Variants in HGS observed in about 807,000 individuals in gnomAD.
HGS encodes the protein human growth factor-regulated tyrosine kinase substrate.
Under a neutral mutation model 109.7 loss-of-function variants are expected in HGS, and 63 were observed. The ratio of observed to expected loss-of-function variants is 0.57; its 90% CI spans 0.47 to 0.71. The LOEUF (loss-of-function observed/expected upper bound fraction) is 0.71. Ranked by LOEUF, HGS falls within the 30% of genes least tolerant of loss-of-function variation. The pLI is 0.00. For missense variants in HGS, 995 were observed against 1,068.3 expected (o/e 0.93, Z 0.96); for synonymous variants, 546 against 437.3 (o/e 1.25, Z -3.10).
Position 81,700,516 on chromosome 17 carries a change from G to A in HGS, c.1932G>A (p.Ala644=), listed in dbSNP as rs745772145. Residue 644 remains alanine, a synonymous_variant, in exon 19 of 22, where the codon GCG becomes GCA. Coordinates refer to ENST00000329138, the MANE Select transcript of HGS (RefSeq NM_004712.5). Reference sequence around the variant, plus strand: ...TGTACCCAGCAGGGGCCACTGGGGCGCAGGCGGCCCCCCAGGCCCAGGCCG... The same window carrying A: ...TGTACCCAGCAGGGGCCACTGGGGCACAGGCGGCCCCCCAGGCCCAGGCCG... ...AYMYPAGATG[A]QAAPQAQAGP... is the part of the protein sequence containing the mutation. 16 of 1,607,460 alleles carry A rather than the reference G, an allele frequency of 1.0e-5. No individual in the cohort carries two copies. Among genetic ancestry groups the A allele is most frequent in the East Asian group, 8.9e-5 (4 of 44,834 alleles).
Position 81,691,688 on chromosome 17 carries a change from A to AGC in HGS, c.662+118_662+119dup. The AGC allele has an allele frequency of 1.5e-6, 2 of 1,346,416 alleles. No individual in the cohort carries two copies. Among genetic ancestry groups the AGC allele is most frequent in the Non-Finnish European group, 2.1e-6 (2 of 964,388 alleles). The allele number at this position is 1,346,416 out of a possible 1,614,324, so 83.4% of individuals were successfully genotyped here. ...AGACCCCAGAGGACCCTCACAGCAC[A>AGC]GCAGCTGGAAGGTCAAGGGAAACCC... On this transcript the variant is annotated intron_variant, in intron 8 of 21. Transcript: ENST00000329138. This position sits in a 1 kb window ranked among gnomAD's most constrained non-coding sequence, Gnocchi z 5.3.
rs568520267 is a variant in HGS at position 81,690,560 on chromosome 17, G to A, written c.469-114G>A. On this transcript the variant is annotated intron_variant, in intron 6 of 21. Coordinates refer to ENST00000329138, the MANE Select transcript of HGS (RefSeq NM_004712.5). The stretch of plus-strand genomic sequence containing the variant: ...AAGGGCCGCCCGGGGCATTGCTCTC[G>A]CTCGTGCTGGGGTCCTCTCTGGGTC... 224 of 1,054,338 alleles carry A rather than the reference G, an allele frequency of 2.1e-4. 4 individuals carry two copies. The South Asian group carries it at 3.3e-3, about 15-fold the overall frequency. 65.3% of individuals were successfully genotyped at this position (1,054,338 alleles called of 1,614,324 possible). A position where few individuals can be genotyped will look rare whatever the true frequency, so the allele number is the denominator to read the frequency against.
At chr17:81,694,094 C>A in intron 11 of HGS, 129 bp downstream of exon 11, 1 of 734,822 alleles carries the variant, frequency 1.4e-6, no homozygotes, top group Non-Finnish European at 2.2e-6. Flanking sequence ...GAGAGGACAG[C>A]CCCAGCACAC....
chr17:81,690,106 G>A (rs8074828), intron 5 of HGS, 76 bp from the exon 6 acceptor site: 22 of 1,511,312 alleles, frequency 1.5e-5, no homozygotes, highest in South Asian at 8.2e-5. Flanking sequence ...TGCAGCTGCC[G>A]AGAGTGAGGA....
chr17:81,686,290 T>G (rs1488450048), intron 2 of HGS, 22 bp from the exon 3 acceptor site: 1 of 1,604,484 alleles, frequency 6.2e-7, no homozygotes. Flanking sequence ...TTTCTCTGCT[T>G]TTATCAATGT....
intron 5 of HGS, 56 bp downstream of exon 5, chr17:81,688,883 G>A: frequency 6.2e-7 from 1 of 1,608,570 alleles, no homozygotes; most frequent in Non-Finnish European, 8.5e-7. Context: ...TGGGCAGTCA[G>A]GCTCAACGGG....
chr17:81,686,243 T>G, intron 2 of HGS, 69 bp from the exon 3 acceptor site: 2 of 1,314,400 alleles, frequency 1.5e-6, no homozygotes, highest in African/African-American at 2.9e-5. Context: ...AGATGAGCTT[T>G]TCTCATCTTA....
At chr17:81,701,391 A>G in intron 21 of HGS, 117 bp from the exon 22 acceptor site, 3 of 1,135,660 alleles carry the variant, frequency 2.6e-6, no homozygotes, top group Non-Finnish European at 3.7e-6. Flanking sequence ...CATGAGCTGC[A>G]GTCCGTGGAC....
At chr17:81,697,035 CCCT>C in intron 18 of HGS, 37 bp downstream of exon 18, 1 of 1,505,860 alleles carries the variant, frequency 6.6e-7, no homozygotes, top group Non-Finnish European at 8.9e-7. Flanking sequence ...TGCCTTTTAT[CCCT>C]CGTCTTTATT....
chr17:81,693,183 G>C (rs1365132833), intron 8 of HGS, among the ~76,000 whole-genome samples: 2 of 152,242 alleles, frequency 1.3e-5, no homozygotes, highest in African/African-American at 4.8e-5. Context: ...CCGTCCCACA[G>C]TGGCGGTGCT....
In HGS at chr17:81,696,974, C is replaced by A; in HGVS notation, c.1858C>A (p.Pro620Thr). 5.6e-6 allele frequency: 9 copies of A among 1,596,728 alleles called. No homozygotes were observed. Among genetic ancestry groups the A allele is most frequent in the African/African-American group, 1.3e-5 (1 of 74,750 alleles). Reference sequence around the variant, plus strand: ...GCCGGCCCCTGCCGCTGGCCCCTACCCCAGCATGCCCAGCACTGCGGCTGG... The same window carrying A: ...GCCGGCCCCTGCCGCTGGCCCCTACACCAGCATGCCCAGCACTGCGGCTGG... ...SQPAPAAGPYPSMPSTAADPS... is the reference protein window; with the variant it reads ...SQPAPAAGPYTSMPSTAADPS... The change falls in exon 18 of 22, where the codon CCC becomes ACC. Residue 620 changes from proline to threonine, a missense_variant. Physicochemically the swap from Pro to Thr is conservative, Grantham distance 38 (BLOSUM62 -1). This residue lies in a region of HGS where 326 missense variants were observed against 309.7 expected (regional missense o/e 1.05). Coordinates refer to ENST00000329138, the MANE Select transcript of HGS (RefSeq NM_004712.5).
At chr17:81,684,988 G>T (rs2036952308) in intron 1 of HGS, 1 of 985,306 alleles carries the variant, frequency 1.0e-6, no homozygotes, top group Non-Finnish European at 1.2e-6. Context: ...CTGTATCCGG[G>T]AAAGGCGATG....
chr17:81,700,772 G>A lies in HGS; in HGVS notation c.2094G>A (p.Gly698=). 1 of 1,612,690 alleles carries A rather than the reference G, an allele frequency of 6.2e-7. No homozygotes were observed. Among genetic ancestry groups the A allele is most frequent in the African/African-American group, 1.3e-5 (1 of 75,040 alleles). Residue 698 remains glycine, a synonymous_variant, in exon 20 of 22, where the codon GGG becomes GGA. Coordinates refer to ENST00000329138, the MANE Select transcript of HGS (RefSeq NM_004712.5). ...PPQSSTMGYM[G]SQSVSMGYQP... is the part of the protein sequence containing the mutation. Reference sequence around the variant, plus strand: ...AGTCCAGCACCATGGGCTACATGGGGAGCCAGTCAGTCTCCATGGGCTACC... The same window carrying A: ...AGTCCAGCACCATGGGCTACATGGGAAGCCAGTCAGTCTCCATGGGCTACC...
chr17:81,691,022 G>A lies in HGS; in HGVS notation c.537+280G>A, dbSNP rs141769184. Among the ~76,000 whole-genome samples the A allele has an allele frequency of 5.8e-4, 88 of 152,312 alleles. No homozygotes were observed. The highest frequency in any genetic ancestry group is 2.0e-3 in the African/African-American group (83 of 41,558). ...CCACAGTCACTCTGCTGCTTGCCAG[G>A]GCCGTGGGGCCCCCTTCTCTTTGTG... On this transcript the variant is annotated intron_variant, in intron 7 of 21. Transcript: ENST00000329138. The surrounding 1 kb of genome is among the most constrained non-coding windows in gnomAD (Gnocchi z 5.3).
At chr17:81,699,152 A>G (rs1236052006) in intron 18 of HGS, among the ~76,000 whole-genome samples, 1 of 152,208 alleles carries the variant, frequency 6.6e-6, no homozygotes, top group African/African-American at 2.4e-5. Context: ...TGTTTTCAAT[A>G]TACTCAATTG....
rs891508050 is a variant in HGS, at chr17:81,691,613, T to A, written c.662+42T>A. 6.2e-7 allele frequency: 1 copy of A among 1,611,672 alleles called. No individual in the cohort carries two copies. Among genetic ancestry groups the A allele is most frequent in the Non-Finnish European group, 8.5e-7 (1 of 1,178,768 alleles). On this transcript the variant is annotated intron_variant, in intron 8 of 21. Transcript: ENST00000329138. This position sits in a 1 kb window ranked among gnomAD's most constrained non-coding sequence, Gnocchi z 5.3. ...CATTTGGGCTGCAGGTGGGGCAGGC[T>A]CTCCAGGCTGGGTTTTCTGTCCCTC...
In HGS at chr17:81,691,291, C is replaced by T. The variant is rs932230102; in HGVS notation, c.538-156C>T. 1.5e-5 allele frequency: 13 copies of T among 864,446 alleles called. No homozygotes were observed. Among genetic ancestry groups the T allele is most frequent in the South Asian group, 6.4e-5 (4 of 62,862 alleles). The allele number at this position is 864,446 out of a possible 1,614,324, so 53.5% of individuals were successfully genotyped here. ...CTCCCGGGAGCATGTCCAGGTTCCC[C>T]GGCCTTAGGGTCTTCCCAGGCACTT... On this transcript the variant is annotated intron_variant, in intron 7 of 21. Transcript: ENST00000329138. The surrounding 1 kb of genome is among the most constrained non-coding windows in gnomAD (Gnocchi z 5.3).
chr17:81,697,693 T>G (rs1312844269), intron 18 of HGS: 1 of 152,236 alleles, frequency 6.6e-6, no homozygotes. Context: ...TAATGTTGCC[T>G]GTGTTTATTA....
At chr17:81,690,144 G>C in intron 5 of HGS, 38 bp from the exon 6 acceptor site, 2 of 1,603,156 alleles carry the variant, frequency 1.2e-6, no homozygotes, top group Non-Finnish European at 1.7e-6. Context: ...TTGCAGGCCA[G>C]GTGGGAGCAG....
Sources: allele counts gnomAD v4.1 joint callset (sites outside exome capture counted in the v4.1 genomes callset), GRCh38; gene constraint gnomAD v4.1.1; regional missense constraint gnomAD v4.1.1; non-coding constraint Gnocchi (gnomAD v3.1); transcripts MANE v1.5; gene names NCBI Gene and HGNC (gene_info 2026-07-23, HGNC 2026-07-21).